The following RGS9 variants were observed in gnomAD, a reference collection of about 807,000 sequenced individuals.
RGS9 encodes regulator of G protein signaling 9.
A neutral mutation model predicts 102.0 loss-of-function variants in RGS9; 78 were observed. The observed-to-expected ratio is 0.76, with a 90% CI of 0.64 to 0.92. RGS9 has a LOEUF of 0.92. RGS9 is among the 40% of genes least tolerant of loss of function. The pLI is 0.00. For missense variants in RGS9, 833 were observed against 866.1 expected (o/e 0.96, Z 0.48); for synonymous variants, 353 against 318.6 (o/e 1.11, Z -1.15).
In RGS9 at chr17:65,215,452, G is replaced by T. The variant is rs181246703; in HGVS notation, c.1407+4847G>T. Among the ~76,000 whole-genome samples, 856 of 151,916 alleles carry T rather than the reference G, an allele frequency of 5.6e-3. 7 individuals are homozygous for T. Among genetic ancestry groups the T allele is most frequent in the African/African-American group, 0.02 (824 of 41,324 alleles). ...CATTCATGTAATCAACATTTACGGA[G>T]TTTCTCTTTCTTTCTTTCTTTCTCT... On this transcript the variant is annotated intron_variant, in intron 17 of 18. Transcript: ENST00000262406.
chr17:65,177,097 C>T (rs1408547544), intron 8 of RGS9, among the ~76,000 whole-genome samples: 2 of 151,490 alleles, frequency 1.3e-5, no homozygotes, highest in African/African-American at 4.9e-5. Context: ...ATCCATCCTT[C>T]CATCCCTCCA....
intron 11 of RGS9, among the ~76,000 whole-genome samples, chr17:65,191,484 C>T (rs1912366058): frequency 6.6e-6 from 1 of 151,794 alleles, no homozygotes; most frequent in South Asian, 2.1e-4. Flanking sequence ...CTGGGGTGGG[C>T]AGATCACCTG....
intron 9 of RGS9, among the ~76,000 whole-genome samples, chr17:65,184,826 C>T (rs1912045613): frequency 7.0e-6 from 1 of 143,272 alleles, no homozygotes; most frequent in Non-Finnish European, 1.5e-5. Flanking sequence ...TCTCTCTCTC[C>T]TTCCTTCCTT....
intron 17 of RGS9, among the ~76,000 whole-genome samples, chr17:65,220,631 G>A (rs1285898522): frequency 6.6e-6 from 1 of 152,240 alleles, no homozygotes; most frequent in Non-Finnish European, 1.5e-5. Flanking sequence ...CACACTGCAT[G>A]CTGCACCTAA....
intron 8 of RGS9, among the ~76,000 whole-genome samples, chr17:65,176,990 G>A (rs577278472): frequency 8.3e-5 from 11 of 132,218 alleles, no homozygotes; most frequent in East Asian, 7.2e-4. Context: ...CCATCCATTC[G>A]TACACCATTC....
At chr17:65,149,130 T>A (rs1910483387) in intron 1 of RGS9, among the ~76,000 whole-genome samples, 1 of 121,978 alleles carries the variant, frequency 8.2e-6, no homozygotes, top group South Asian at 2.4e-4. Flanking sequence ...CCCGGCTAGT[T>A]TTTTTTTTGT....
intron 17 of RGS9, among the ~76,000 whole-genome samples, chr17:65,214,776 G>A (rs951167618): frequency 6.6e-6 from 1 of 152,188 alleles, no homozygotes; most frequent in Non-Finnish European, 1.5e-5. Context: ...GTGGCCCTGA[G>A]CACAGGGTCC....
intron 11 of RGS9, 41 bp from the exon 12 acceptor site, chr17:65,193,502 G>A (rs1255900363): frequency 2.4e-6 from 3 of 1,251,742 alleles, no homozygotes; most frequent in Admixed American, 1.7e-5. Context: ...CATATCTTGG[G>A]TGTCGAGCTT....
rs199568103 is a variant in RGS9, at chr17:65,144,982, C to T, written c.57+7385C>T. Among the ~76,000 whole-genome samples the T allele has an allele frequency of 9.8e-5, 15 of 152,302 alleles. No homozygotes were observed. In the East Asian group the frequency reaches 2.9e-3, roughly 29 times the overall value. On this transcript the variant is annotated intron_variant, in intron 1 of 18. Coordinates refer to ENST00000262406, the MANE Select transcript of RGS9 (RefSeq NM_003835.4). ...CGCAGATGGCCGTCTTCTCTCTGTT[C>T]TCACATCATCTTCCCTCTGTGTCTA...
chr17:65,207,341 T>C (rs1913101984), intron 15 of RGS9, among the ~76,000 whole-genome samples: 1 of 152,202 alleles, frequency 6.6e-6, no homozygotes, highest in Admixed American at 6.5e-5. Context: ...TTACAGACTG[T>C]AATTCTCAAA....
chr17:65,190,237 G>GTGTGTCCCTGGGAGGT lies in RGS9; in HGVS notation c.746+2_746+3insGTGTCCCTGGGAGGTT. ...TGAAGTCTTCTGTGTCCCTGGGAGGGTATGTCCCTGATTTGTTGATCTTGC... is the reference window on the plus strand; with the variant it reads ...TGAAGTCTTCTGTGTCCCTGGGAGGGTGTGTCCCTGGGAGGTTATGTCCCTGATTTGTTGATCTTGC... On this transcript the variant is annotated splice_donor_variant, in intron 11 of 18. Coordinates refer to ENST00000262406, the MANE Select transcript of RGS9 (RefSeq NM_003835.4). LOFTEE classifies it high-confidence loss of function. The GTGTGTCCCTGGGAGGT allele has an allele frequency of 6.2e-7, 1 of 1,611,372 alleles. No individual in the cohort carries two copies. The highest frequency in any genetic ancestry group is 8.5e-7 in the Non-Finnish European group (1 of 1,177,448).
At chr17:65,174,584 TG>T (rs1911550499) in intron 8 of RGS9, among the ~76,000 whole-genome samples, 1 of 151,180 alleles carries the variant, frequency 6.6e-6, no homozygotes, top group Non-Finnish European at 1.5e-5. Context: ...AGTGTGCATA[TG>T]TATATGTGAG....
intron 18 of RGS9, 56 bp from the exon 19 acceptor site, chr17:65,227,219 G>T: frequency 6.2e-7 from 1 of 1,612,466 alleles, no homozygotes; most frequent in Non-Finnish European, 8.5e-7. Flanking sequence ...ATTTGGGGAG[G>T]TGCAGTCCCT....
intron 2 of RGS9, among the ~76,000 whole-genome samples, chr17:65,153,812 C>T (rs1910674563): frequency 6.6e-6 from 1 of 152,088 alleles, no homozygotes; most frequent in Non-Finnish European, 1.5e-5. Flanking sequence ...ATGGCCTGAA[C>T]CTGGGAGGCA....
At chr17:65,153,661 G>A in intron 2 of RGS9, 143 bp downstream of exon 2, 1 of 696,834 alleles carries the variant, frequency 1.4e-6, no homozygotes, top group Non-Finnish European at 2.6e-6. Flanking sequence ...GGAGGCCGAG[G>A]CGGGTGGATC....
rs1279613933 is a variant in RGS9, at chr17:65,179,206, A to G, written c.654+1403A>G. ...GAGGGTGGAAGTGGGAGGGGAAAGAAAAAGGAGCCAGAAATGTTAGCAAGG... is the reference window on the plus strand; with the variant it reads ...GAGGGTGGAAGTGGGAGGGGAAAGAGAAAGGAGCCAGAAATGTTAGCAAGG... On this transcript the variant is annotated intron_variant, in intron 9 of 18. Transcript: ENST00000262406. Among the ~76,000 whole-genome samples, 3 of 152,196 alleles carry G rather than the reference A, an allele frequency of 2.0e-5. No homozygotes were observed. In the East Asian group the frequency reaches 5.8e-4, roughly 29 times the overall value.
intron 1 of RGS9, among the ~76,000 whole-genome samples, chr17:65,140,885 TAAA>T (rs5821625): frequency 4.1e-5 from 6 of 146,390 alleles, no homozygotes; most frequent in Non-Finnish European, 7.5e-5. Context: ...AGACTCTGTC[TAAA>T]AAAAAAAAAA....
chr17:65,227,623 G>A lies in RGS9; in HGVS notation c.*216G>A. 1.6e-6 allele frequency: 1 copy of A among 619,950 alleles called. No homozygotes were observed. Among genetic ancestry groups the A allele is most frequent in the Non-Finnish European group, 2.8e-6 (1 of 354,178 alleles). 38.4% of individuals were successfully genotyped at this position (619,950 alleles called of 1,614,324 possible). A position where few individuals can be genotyped will look rare whatever the true frequency, so the allele number is the denominator to read the frequency against. On this transcript the variant is annotated 3_prime_UTR_variant, in exon 19 of 19. Coordinates refer to ENST00000262406, the MANE Select transcript of RGS9 (RefSeq NM_003835.4). ...CCTCTTCCTGACCCTCCCTCCCCTG[G>A]GCAGAAGAAACGCATGTGGACCAGA...
At chr17:65,213,945 T>C (rs1913398808) in intron 17 of RGS9, among the ~76,000 whole-genome samples, 1 of 152,148 alleles carries the variant, frequency 6.6e-6, no homozygotes, top group Non-Finnish European at 1.5e-5. Flanking sequence ...GCTTCATAGA[T>C]GTATTTTATT....
Sources: gnomAD v4.1 joint callset for allele counts (sites outside exome capture counted in the v4.1 genomes callset) on GRCh38, gnomAD v4.1.1 for gene constraint, MANE v1.5 for transcripts, NCBI Gene and HGNC (gene_info 2026-07-23, HGNC 2026-07-21) for gene names.